Variants in ZNF804A observed in about 807,000 individuals in gnomAD.
The protein encoded by ZNF804A is zinc finger protein 804A.
In ZNF804A, 2 loss-of-function variants were observed where a neutral mutation model predicts 16.5. The observed-to-expected ratio is 0.12, with a 90% CI of 0.05 to 0.38. The LOEUF (loss-of-function observed/expected upper bound fraction) is 0.38, where lower values mean the gene tolerates loss of function less well. Among genes scored for constraint, ZNF804A ranks in the 10% least tolerant of loss-of-function variants. The probability of loss-of-function intolerance (pLI) is 0.99; values close to 1 mark genes in which losing one functional copy is unlikely to be tolerated. For missense variants in ZNF804A, 1,473 were observed against 1,390.7 expected, an observed-to-expected ratio of 1.06 and a Z score of -0.94; for synonymous variants, 534 against 489.6, an observed-to-expected ratio of 1.09 and a Z score of -1.20.
At chr2:184,731,776 T>C (rs917069246) in intron 1 of ZNF804A, among the ~76,000 whole-genome samples, 3 of 152,002 alleles carry the variant, frequency 2.0e-5, no homozygotes, top group Admixed American at 6.6e-5. Context: ...TGTCTCTCTA[T>C]GTAGTCCAGG....
At chr2:184,919,583 T>C (rs1333037125) in intron 2 of ZNF804A, among the ~76,000 whole-genome samples, 1 of 152,186 alleles carries the variant, frequency 6.6e-6, no homozygotes, top group Non-Finnish European at 1.5e-5. Context: ...TTCCTGTTTT[T>C]CTCCCATTCA....
chr2:184,683,027 C>A (rs868257045), intron 1 of ZNF804A, among the ~76,000 whole-genome samples: 6 of 152,030 alleles, frequency 3.9e-5, no homozygotes, highest in East Asian at 1.9e-4. Context: ...CAGAGTGAGA[C>A]CCTGTCTCAA....
intron 1 of ZNF804A, among the ~76,000 whole-genome samples, chr2:184,620,852 TATA>T (rs1271603336): frequency 6.6e-6 from 1 of 151,756 alleles, no homozygotes; most frequent in Non-Finnish European, 1.5e-5. Flanking sequence ...TCGATATTTT[TATA>T]ATTTTAGTAT....
chr2:184,901,050 A>T (rs775561245), intron 2 of ZNF804A, among the ~76,000 whole-genome samples: 5 of 152,148 alleles, frequency 3.3e-5, no homozygotes, highest in Admixed American at 6.6e-5. Flanking sequence ...CTCCTCTACC[A>T]GTATAGAATC....
intron 2 of ZNF804A, among the ~76,000 whole-genome samples, chr2:184,882,626 A>G (rs1209081964): frequency 2.6e-5 from 4 of 152,118 alleles, no homozygotes; most frequent in Non-Finnish European, 5.9e-5. Context: ...AGAAATCAAT[A>G]CTAAGAAACT....
At chr2:184,867,596 G>T (rs1458096070) in intron 2 of ZNF804A, among the ~76,000 whole-genome samples, 1 of 152,060 alleles carries the variant, frequency 6.6e-6, no homozygotes, top group Non-Finnish European at 1.5e-5. Flanking sequence ...TTAGCTTAAT[G>T]ATCTGTCCTT....
In ZNF804A at chr2:184,842,782, A is replaced by G. The variant is rs145645583; in HGVS notation, c.112-23587A>G. ...GGAAATTTTAGTCTTGATAGAAAAA[A>G]TAAATAAATAAAACACCTCAAGATC... On this transcript the variant is annotated intron_variant, in intron 1 of 3. Coordinates refer to ENST00000302277, the MANE Select transcript of ZNF804A (RefSeq NM_194250.2). 2.0e-5 allele frequency among the ~76,000 whole-genome samples: 3 copies of G among 152,298 alleles called. No homozygotes were observed. The East Asian group carries it at 5.8e-4, about 29-fold the overall frequency.
At chr2:184,686,850 G>A (rs912428378) in intron 1 of ZNF804A, among the ~76,000 whole-genome samples, 1 of 152,108 alleles carries the variant, frequency 6.6e-6, no homozygotes, top group African/African-American at 2.4e-5. Flanking sequence ...CTTTTGAAAG[G>A]TTCCCATTCA....
At chr2:184,876,818 G>A (rs1265174594) in intron 2 of ZNF804A, among the ~76,000 whole-genome samples, 2 of 152,020 alleles carry the variant, frequency 1.3e-5, no homozygotes, top group Non-Finnish European at 2.9e-5. Context: ...GTTGAGGGTA[G>A]GGAGCAAAAA....
At chr2:184,836,226 G>A (rs1013852517) in intron 1 of ZNF804A, among the ~76,000 whole-genome samples, 1 of 152,078 alleles carries the variant, frequency 6.6e-6, no homozygotes, top group African/African-American at 2.4e-5. Flanking sequence ...AAGAGAAAAA[G>A]GATAGATAAT....
intron 2 of ZNF804A, among the ~76,000 whole-genome samples, chr2:184,874,367 A>T (rs1220451804): frequency 6.6e-6 from 1 of 152,270 alleles, no homozygotes; most frequent in African/African-American, 2.4e-5. Context: ...GATTGCATAC[A>T]TCTCACATCA....
At chr2:184,741,451 T>C (rs1574189964) in intron 1 of ZNF804A, among the ~76,000 whole-genome samples, 2 of 152,270 alleles carry the variant, frequency 1.3e-5, no homozygotes, top group Admixed American at 1.3e-4. Flanking sequence ...ATTGCCCATA[T>C]GAGTATCCTC....
chr2:184,779,149 C>G (rs1404638032), intron 1 of ZNF804A, among the ~76,000 whole-genome samples: 1 of 151,600 alleles, frequency 6.6e-6, no homozygotes, highest in Non-Finnish European at 1.5e-5. Context: ...TCTGAGGTCA[C>G]TAGGATGCCA....
At chr2:184,618,519 G>A (rs1441652404) in intron 1 of ZNF804A, among the ~76,000 whole-genome samples, 5 of 152,048 alleles carry the variant, frequency 3.3e-5, no homozygotes, top group Non-Finnish European at 5.9e-5. Context: ...TTCTAATACA[G>A]TTAGGTCTCC....
At chr2:184,715,207 A>G (rs1327944735) in intron 1 of ZNF804A, among the ~76,000 whole-genome samples, 1 of 152,150 alleles carries the variant, frequency 6.6e-6, no homozygotes, top group Non-Finnish European at 1.5e-5. Context: ...GAATGAGTGT[A>G]ATTTGGACAA....
In ZNF804A at chr2:184,939,081, A is replaced by C; in HGVS notation, c.*55A>C. 1.3e-6 allele frequency: 2 copies of C among 1,574,768 alleles called. No individual in the cohort carries two copies. Among genetic ancestry groups the C allele is most frequent in the Middle Eastern group, 1.7e-4 (1 of 5,842 alleles). On this transcript the variant is annotated 3_prime_UTR_variant, in exon 4 of 4. Coordinates refer to ENST00000302277, the MANE Select transcript of ZNF804A (RefSeq NM_194250.2). ...TGTGAAAACTATTGCTATATGCGTT[A>C]AGTGTTCATCTATGTGGGTACATGG...
At chr2:184,696,790 A>G (rs1278310480) in intron 1 of ZNF804A, among the ~76,000 whole-genome samples, 1 of 152,020 alleles carries the variant, frequency 6.6e-6, no homozygotes, top group African/African-American at 2.4e-5. Context: ...TGCTGTGCAT[A>G]TAATTTTTAC....
At chr2:184,764,228 C>A (rs116278310) in intron 1 of ZNF804A, among the ~76,000 whole-genome samples, 2,170 of 151,750 alleles carry the variant, frequency 0.014, 59 homozygotes, top group African/African-American at 0.049. Flanking sequence ...GGTCTACACA[C>A]TAAATGCATC....
chr2:184,722,145 A>G (rs1482839817), intron 1 of ZNF804A, among the ~76,000 whole-genome samples: 1 of 151,978 alleles, frequency 6.6e-6, no homozygotes, highest in East Asian at 1.9e-4. Context: ...TTGACGTAAA[A>G]AAAGCTTATG....
Sources: gnomAD v4.1 joint callset for allele counts (sites outside exome capture counted in the v4.1 genomes callset) on GRCh38, gnomAD v4.1.1 for gene constraint, MANE v1.5 for transcripts, NCBI Gene and HGNC (gene_info 2026-07-23, HGNC 2026-07-21) for gene names.